NCOA7: variants seen among roughly 807,000 people sequenced by gnomAD.
The protein encoded by NCOA7 is nuclear receptor coactivator 7.
In NCOA7, 45 loss-of-function variants were observed where a neutral mutation model predicts 104.3. That is an observed-to-expected ratio of 0.43 (90% CI 0.34 to 0.55). The LOEUF (loss-of-function observed/expected upper bound fraction) is 0.55, where lower values mean the gene tolerates loss of function less well. Among genes scored for constraint, NCOA7 ranks in the 20% least tolerant of loss-of-function variants. The pLI is 0.02. For synonymous variants in NCOA7, 398 were observed against 402.3 expected (o/e 0.99, Z 0.13); for missense variants, 1,041 against 1,119.7 (o/e 0.93, Z 1.00).
intron 7 of NCOA7, among the ~76,000 whole-genome samples, chr6:125,884,061 A>G (rs933257765): frequency 9.2e-5 from 14 of 152,238 alleles, no homozygotes; most frequent in African/African-American, 2.6e-4. Flanking sequence ...CTCTACTTCT[A>G]GGGGATCAGC....
At chr6:125,919,464 G>A (rs774314645) in intron 11 of NCOA7, 230 of 1,603,426 alleles carry the variant, frequency 1.4e-4, no homozygotes, top group Non-Finnish European at 1.7e-4. Context: ...GGCTAATAAG[G>A]TGCTGGTGAA....
rs914224112 is a variant in NCOA7 at position 125,852,426 on chromosome 6, C to A, written c.51-2594C>A. On this transcript the variant is annotated intron_variant, in intron 2 of 15. Transcript: ENST00000392477. ...GATCAGGCTGGTCTCGAACTCTAGA[C>A]CTTGTGATCTGCCTGCTTAGGCCTC... 3.9e-5 allele frequency among the ~76,000 whole-genome samples: 6 copies of A among 152,266 alleles called. No individual in the cohort carries two copies. The South Asian group carries it at 1.2e-3, about 32-fold the overall frequency.
At chr6:125,928,563 G>T in intron 15 of NCOA7, 73 bp from the exon 16 acceptor site, 1 of 1,504,604 alleles carries the variant, frequency 6.6e-7, no homozygotes, top group Non-Finnish European at 8.9e-7. Context: ...AAAGAAGATG[G>T]GGGCAAGAGA....
intron 1 of NCOA7, among the ~76,000 whole-genome samples, chr6:125,800,348 G>T (rs540132872): frequency 4.0e-4 from 61 of 152,252 alleles, no homozygotes; most frequent in Admixed American, 1.8e-3. Flanking sequence ...GAAATTGTTG[G>T]AATGTCTTTA....
At chr6:125,887,680 T>C (rs1198197408) in intron 8 of NCOA7, among the ~76,000 whole-genome samples, 1 of 152,240 alleles carries the variant, frequency 6.6e-6, no homozygotes, top group African/African-American at 2.4e-5. Flanking sequence ...TGTTGCTTTA[T>C]TGTCATAACC....
chr6:125,882,241 C>T (rs777964791), intron 6 of NCOA7, among the ~76,000 whole-genome samples, 185 bp from the exon 7 acceptor site: 5 of 150,590 alleles, frequency 3.3e-5, no homozygotes. Context: ...AAAAAAAAAA[C>T]AGTTTGATTT....
chr6:125,880,944 G>GT, intron 5 of NCOA7, 146 bp from the exon 6 acceptor site: 1 of 636,560 alleles, frequency 1.6e-6, no homozygotes, highest in Non-Finnish European at 2.9e-6. Context: ...CTAGAAAACC[G>GT]TAAGTTGCTT....
Position 125,898,965 on chromosome 6 carries a change from C to G in NCOA7, c.2096+8155C>G, listed in dbSNP as rs544307951. ...ACTACAATTCATTTTATCTGTATAG[C>G]CTTTTAGCCTTTCTTTCAATGCATG... On this transcript the variant is annotated intron_variant, in intron 10 of 15. Coordinates refer to ENST00000392477, the MANE Select transcript of NCOA7 (RefSeq NM_181782.5). Among the ~76,000 whole-genome samples the G allele has an allele frequency of 1.8e-4, 27 of 152,114 alleles. No individual in the cohort carries two copies. In the Middle Eastern group the frequency reaches 0.017, roughly 96 times the overall value.
chr6:125,864,951 T>C (rs1782325351), intron 3 of NCOA7, among the ~76,000 whole-genome samples: 1 of 138,110 alleles, frequency 7.2e-6, no homozygotes, highest in African/African-American at 3.0e-5. Flanking sequence ...CTGTTTTCAA[T>C]AAAGTATTTT....
chr6:125,828,718 T>G (rs548273953), intron 2 of NCOA7, among the ~76,000 whole-genome samples: 1 of 152,314 alleles, frequency 6.6e-6, no homozygotes, highest in South Asian at 2.1e-4. Flanking sequence ...CTGGGATACA[T>G]GCACCTAGGC....
At chr6:125,788,581 G>C (rs1774581151), upstream of NCOA7, among the ~76,000 whole-genome samples, 1 of 150,484 alleles carries the variant, frequency 6.6e-6, no homozygotes, top group Admixed American at 6.6e-5. Context: ...CTGTCACCAG[G>C]CTGGAGTGCA....
chr6:125,866,316 C>G (rs546148761), intron 3 of NCOA7, among the ~76,000 whole-genome samples: 18 of 151,196 alleles, frequency 1.2e-4, no homozygotes, highest in Non-Finnish European at 2.4e-4. Flanking sequence ...ACAACAAGAG[C>G]GAAATTCCGT....
At chr6:125,802,966 G>A (rs886656411) in intron 1 of NCOA7, among the ~76,000 whole-genome samples, 2 of 152,056 alleles carry the variant, frequency 1.3e-5, no homozygotes, top group African/African-American at 2.4e-5. Flanking sequence ...CCGAACCCAC[G>A]TTTGTGTATT....
chr6:125,812,810 G>A (rs978266394), intron 1 of NCOA7, among the ~76,000 whole-genome samples: 27 of 152,180 alleles, frequency 1.8e-4, no homozygotes, highest in African/African-American at 5.5e-4. Context: ...CTTCGGTGCC[G>A]TAACCCACGC....
At chr6:125,837,814 G>A (rs912956992) in intron 2 of NCOA7, among the ~76,000 whole-genome samples, 1 of 152,138 alleles carries the variant, frequency 6.6e-6, no homozygotes, top group Non-Finnish European at 1.5e-5. Context: ...AAGAAATTAC[G>A]ATATACTATT....
intron 13 of NCOA7, 151 bp downstream of exon 13, chr6:125,922,985 C>A: frequency 1.4e-6 from 1 of 692,040 alleles, no homozygotes; most frequent in Non-Finnish European, 2.2e-6. Context: ...TTTTTCTCTG[C>A]TGAAATATTT....
intron 1 of NCOA7, among the ~76,000 whole-genome samples, chr6:125,800,079 A>G (rs1775747805): frequency 6.6e-6 from 1 of 152,252 alleles, no homozygotes. Context: ...CATTTATAAT[A>G]GGGGGCTAGT....
At chr6:125,892,082 G>C (rs1476011748) in intron 10 of NCOA7, among the ~76,000 whole-genome samples, 1 of 152,110 alleles carries the variant, frequency 6.6e-6, no homozygotes, top group Non-Finnish European at 1.5e-5. Flanking sequence ...GCCCATTCTT[G>C]ATTTTCTAGG....
chr6:125,919,149 G>T, intron 11 of NCOA7: 10 of 1,240,178 alleles, frequency 8.1e-6, no homozygotes, highest in Non-Finnish European at 1.1e-5. Context: ...GGCAGGAAGT[G>T]TGTTTGCTCT....
Sources: gnomAD v4.1 joint callset for allele counts (sites outside exome capture counted in the v4.1 genomes callset) on GRCh38, gnomAD v4.1.1 for gene constraint, MANE v1.5 for transcripts, NCBI Gene and HGNC (gene_info 2026-07-23, HGNC 2026-07-21) for gene names.